Variants in SLC34A2 observed in about 807,000 individuals in gnomAD.
SLC34A2 encodes the protein sodium-dependent phosphate transport protein 2B.
SLC34A2 carries 41 observed loss-of-function variants against 50.8 expected under a neutral mutation model. The ratio of observed to expected loss-of-function variants is 0.81; its 90% CI spans 0.63 to 1.05. The LOEUF is 1.05. Ranked by LOEUF, SLC34A2 falls within the 50% of genes least tolerant of loss-of-function variation. The pLI is 0.00. For synonymous variants in SLC34A2, 401 were observed against 364.2 expected (o/e 1.10, Z -1.15); for missense variants, 879 against 876.7 (o/e 1.00, Z -0.03).
At chr4:25,659,951 T>C (rs1256757810) in intron 1 of SLC34A2, among the ~76,000 whole-genome samples, 1 of 152,264 alleles carries the variant, frequency 6.6e-6, no homozygotes, top group East Asian at 1.9e-4. Flanking sequence ...GAAAAAGAAG[T>C]GCTTTAGATG....
rs914027670 is a variant in SLC34A2 at position 25,677,669 on chromosome 4, C to T, written c.*920C>T. 2 of 152,196 alleles carry T rather than the reference C, an allele frequency of 1.3e-5. No homozygotes were observed. The highest frequency in any genetic ancestry group is 1.3e-4 in the Admixed American group (2 of 15,290). 9.4% of individuals were successfully genotyped at this position (152,196 alleles called of 1,614,324 possible). ...CCCTGTTGGATCTTTTGAAATAAAA[C>T]GTGCAAGTTATCCAGGCTCGTAGCC... On this transcript the variant is annotated 3_prime_UTR_variant, in exon 13 of 13. Transcript: ENST00000382051.
rs2109062399 is a variant in SLC34A2 at position 25,676,248 on chromosome 4, G to A, written c.1572G>A (p.Lys524=). ...AGGGGCTGGGCAACATCTCTGCCAA[G>A]TATCGCTGGTTCGCCGTCTTCTACC... ...MAKGLGNISA[K]YRWFAVFYLI... Residue 524 remains lysine, a synonymous_variant, in exon 13 of 13, where the codon AAG becomes AAA. Transcript: ENST00000382051. The A allele has an allele frequency of 6.2e-7, 1 of 1,614,210 alleles. No individual in the cohort carries two copies. Among genetic ancestry groups the A allele is most frequent in the East Asian group, 2.2e-5 (1 of 44,874 alleles).
chr4:25,672,643 ACATT>A (rs987300387), intron 9 of SLC34A2, among the ~76,000 whole-genome samples: 2 of 152,160 alleles, frequency 1.3e-5, no homozygotes, highest in Non-Finnish European at 2.9e-5. Flanking sequence ...TAGGCACTAT[ACATT>A]CATTCATATA....
Position 25,667,872 on chromosome 4 carries a change from T to C in SLC34A2, c.524-8T>C, listed in dbSNP as rs113719592. On this transcript the variant is annotated splice_region_variant and splice_polypyrimidine_tract_variant and intron_variant, in intron 5 of 12. Transcript: ENST00000382051. ...TAAGCTTGCTAATGGTACTTTTCCA[T>C]CCTCTAGTGCTCACTGTTCGGGCTG... is the stretch of plus-strand genomic sequence containing the variant. 1,125 of 1,596,700 alleles carry C rather than the reference T, an allele frequency of 7.0e-4. 9 individuals carry two copies. The African/African-American group carries it at 0.013, about 18-fold the overall frequency.
intron 1 of SLC34A2, among the ~76,000 whole-genome samples, chr4:25,660,776 C>G (rs1714138421): frequency 6.6e-6 from 1 of 152,208 alleles, no homozygotes; most frequent in Admixed American, 6.5e-5. Flanking sequence ...AACTCCTGAC[C>G]TCAGATGATC....
chr4:25,665,996 G>A lies in SLC34A2; in HGVS notation c.380-132G>A, dbSNP rs182123462. 3.1e-4 allele frequency: 332 copies of A among 1,079,836 alleles called. No homozygotes were observed. The African/African-American group carries it at 4.4e-3, about 14-fold the overall frequency. The allele number at this position is 1,079,836 out of a possible 1,614,324, so 66.9% of individuals were successfully genotyped here. ...GGGAAGCAAGATTCCTTGGGTGCCT[G>A]CAGCGATGGAGGCTGGACTCTGCAA... On this transcript the variant is annotated intron_variant, in intron 4 of 12. Transcript: ENST00000382051.
At chr4:25,666,773 T>C (rs2109053440) in intron 5 of SLC34A2, among the ~76,000 whole-genome samples, 1 of 152,304 alleles carries the variant, frequency 6.6e-6, no homozygotes, top group South Asian at 2.1e-4. Context: ...CTTAATCACA[T>C]CACAAATTGC....
intron 7 of SLC34A2, among the ~76,000 whole-genome samples, chr4:25,670,368 G>C (rs967894722): frequency 1.3e-5 from 2 of 152,278 alleles, no homozygotes; most frequent in African/African-American, 4.8e-5. Flanking sequence ...TGGGGTGGAG[G>C]TGCTTCTTAA....
At chr4:25,670,018 T>C (rs1714731913) in intron 7 of SLC34A2, among the ~76,000 whole-genome samples, 176 bp downstream of exon 7, 1 of 152,142 alleles carries the variant, frequency 6.6e-6, no homozygotes, top group Non-Finnish European at 1.5e-5. Flanking sequence ...AGGTCAGGAA[T>C]CTGAGACCAG....
In SLC34A2 at chr4:25,666,124, C is replaced by T. The variant is rs1714485396; in HGVS notation, c.380-4C>T. On this transcript the variant is annotated splice_region_variant and splice_polypyrimidine_tract_variant and intron_variant, in intron 4 of 12. Transcript: ENST00000382051. Reference sequence around the variant, plus strand: ...GTTTTTGTTTGTTTGTTTGTTTTTCCCAGGAAAAATGGCAGGACAGTTCTT... The same window carrying T: ...GTTTTTGTTTGTTTGTTTGTTTTTCTCAGGAAAAATGGCAGGACAGTTCTT... The T allele has an allele frequency of 6.2e-7, 1 of 1,613,092 alleles. No individual in the cohort carries two copies. The highest frequency in any genetic ancestry group is 8.5e-7 in the Non-Finnish European group (1 of 1,180,030).
intron 3 of SLC34A2, among the ~76,000 whole-genome samples, chr4:25,663,707 C>G (rs3775909): frequency 0.29 from 43,735 of 152,034 alleles, 7,349 homozygotes; most frequent in East Asian, 0.59. Context: ...GTAAACAGCA[C>G]TTAAGGATGT....
chr4:25,662,515 T>C lies in SLC34A2; in HGVS notation c.15T>C (p.Pro5=), dbSNP rs1326223484. MAPW[P]ELGDAQPNPD... ...ATCCACAGACCATGGCTCCCTGGCC[T>C]GAATTGGGAGATGCCCAGCCCAACC... The change falls in exon 2 of 13, where the codon CCT becomes CCC. Residue 5 remains proline, a synonymous_variant. Transcript: ENST00000382051. 1.4e-5 allele frequency: 22 copies of C among 1,613,908 alleles called. No individual in the cohort carries two copies. The highest frequency in any genetic ancestry group is 1.9e-5 in the Non-Finnish European group (22 of 1,180,004).
chr4:25,678,567 G>A lies in SLC34A2; in HGVS notation c.*1818G>A. 1 of 229,344 alleles carries A rather than the reference G, an allele frequency of 4.4e-6. No individual in the cohort carries two copies. Among genetic ancestry groups the A allele is most frequent in the East Asian group, 8.9e-5 (1 of 11,196 alleles). 14.2% of individuals were successfully genotyped at this position (229,344 alleles called of 1,614,324 possible). A position where few individuals can be genotyped will look rare whatever the true frequency, so the allele number is the denominator to read the frequency against. ...TGCATTGATTGTATAATAATTTTGA[G>A]ACCAGGTCTCGCTGTGTTGCTCAGG... On this transcript the variant is annotated 3_prime_UTR_variant, in exon 13 of 13. Transcript: ENST00000382051.
rs753853670 is a variant in SLC34A2, at chr4:25,676,158, C to T, written c.1482C>T (p.Phe494=). The change falls in exon 13 of 13, where the codon TTC becomes TTT. Residue 494 remains phenylalanine, a synonymous_variant. Transcript: ENST00000382051. The part of the protein sequence containing the change: ...SLQIALCHFF[F]NISGILLWYP... ...AGATCGCCCTGTGCCACTTTTTCTT[C>T]AACATCTCCGGCATCTTGCTGTGGT... 2 of 1,614,174 alleles carry T rather than the reference C, an allele frequency of 1.2e-6. No individual in the cohort carries two copies. Among genetic ancestry groups the T allele is most frequent in the Middle Eastern group, 1.6e-4 (1 of 6,062 alleles).
intron 3 of SLC34A2, among the ~76,000 whole-genome samples, chr4:25,663,103 T>A (rs1714301205): frequency 6.6e-6 from 1 of 151,964 alleles, no homozygotes; most frequent in Non-Finnish European, 1.5e-5. Context: ...GCCTCCTGAG[T>A]AGCTGGGATT....
At chr4:25,668,787 C>T (rs916851133) in intron 6 of SLC34A2, among the ~76,000 whole-genome samples, 5 of 151,588 alleles carry the variant, frequency 3.3e-5, no homozygotes, top group South Asian at 2.1e-4. Context: ...CTAGTTTCTG[C>T]GTATGCAGAA....
rs1243271440 is a variant in SLC34A2, at chr4:25,677,601, CTAAAGTCTAACGCTCCTCTCTTGGTCAGA to C, written c.*856_*884del. The C allele has an allele frequency of 3.3e-5, 5 of 152,214 alleles. No individual in the cohort carries two copies. The highest frequency in any genetic ancestry group is 2.1e-4 in the South Asian group (1 of 4,830). The allele number at this position is 152,214 out of a possible 1,614,324, so 9.4% of individuals were successfully genotyped here. ...GAAGCCCAATTCAAAAGCATTGTGG[CTAAAGTCTAACGCTCCTCTCTTGGTCAGA>C]TAACAAAAGCCCTCCCTGTTGGATC... On this transcript the variant is annotated 3_prime_UTR_variant, in exon 13 of 13. Transcript: ENST00000382051.
chr4:25,657,767 C>A (rs757435614), intron 1 of SLC34A2, among the ~76,000 whole-genome samples: 7 of 152,132 alleles, frequency 4.6e-5, no homozygotes. Context: ...TTATTATTAG[C>A]AGTAATGTAG....
At chr4:25,668,320 G>A (rs143197512) in intron 6 of SLC34A2, among the ~76,000 whole-genome samples, 1,791 of 152,312 alleles carry the variant, frequency 0.012, 41 homozygotes, top group African/African-American at 0.041. Context: ...AAACTTAGCC[G>A]CTGGGTGGCG....
Sources: gnomAD v4.1 joint callset for allele counts (sites outside exome capture counted in the v4.1 genomes callset) on GRCh38, gnomAD v4.1.1 for gene constraint, MANE v1.5 for transcripts, NCBI Gene and HGNC (gene_info 2026-07-23, HGNC 2026-07-21) for gene names.